ROBO1: variants seen among roughly 807,000 people sequenced by gnomAD.
ROBO1 encodes the protein roundabout guidance receptor 1.
Under a neutral mutation model 195.9 loss-of-function variants are expected in ROBO1, and 149 were observed. The observed-to-expected ratio is 0.76, with a 90% CI of 0.67 to 0.87. The LOEUF is 0.87. ROBO1 is among the 40% of genes least tolerant of loss of function. The pLI, the probability that ROBO1 is intolerant of heterozygous loss-of-function variation, is 0.00. For missense variants in ROBO1, 1,933 were observed against 2,068.3 expected (o/e 0.93, Z 1.27); for synonymous variants, 816 against 733.2 (o/e 1.11, Z -1.82).
chr3:78,602,923 A>C (rs1051721738), intron 29 of ROBO1, among the ~76,000 whole-genome samples: 8 of 152,148 alleles, frequency 5.3e-5, no homozygotes, highest in Non-Finnish European at 1.2e-4. Context: ...ATTATTATAG[A>C]TTCTTCCCTT....
chr3:79,693,141 C>T (rs1415374457), intron 1 of ROBO1, among the ~76,000 whole-genome samples: 1 of 151,072 alleles, frequency 6.6e-6, no homozygotes, highest in African/African-American at 2.4e-5. Context: ...TTTGAAAGGC[C>T]CTAACCAAAG....
At chr3:78,610,723 TA>T (rs1433108172) in intron 28 of ROBO1, among the ~76,000 whole-genome samples, 1 of 152,108 alleles carries the variant, frequency 6.6e-6, no homozygotes, top group Admixed American at 6.5e-5. Context: ...TAACACAAGT[TA>T]AAAAGAGAAG....
At chr3:78,807,240 A>T (rs1559876282) in intron 4 of ROBO1, among the ~76,000 whole-genome samples, 2 of 152,232 alleles carry the variant, frequency 1.3e-5, no homozygotes, top group African/African-American at 2.4e-5. Flanking sequence ...AGGAAATTGT[A>T]TTCATTCATT....
chr3:79,273,911 G>C (rs981763375), intron 2 of ROBO1, among the ~76,000 whole-genome samples: 3 of 151,866 alleles, frequency 2.0e-5, no homozygotes, highest in Non-Finnish European at 4.4e-5. Flanking sequence ...AACTGTAAGA[G>C]ACAAAGAAGA....
At chr3:79,340,195 C>T (rs1454930014) in intron 2 of ROBO1, among the ~76,000 whole-genome samples, 1 of 152,180 alleles carries the variant, frequency 6.6e-6, no homozygotes, top group Admixed American at 6.5e-5. Flanking sequence ...TCTCTTGAAC[C>T]TGGATGTACC....
At chr3:78,692,706 C>A (rs2107868581) in intron 8 of ROBO1, among the ~76,000 whole-genome samples, 1 of 152,196 alleles carries the variant, frequency 6.6e-6, no homozygotes, top group African/African-American at 2.4e-5. Context: ...ATGATTGGAC[C>A]TTCCTCCAAG....
At chr3:79,241,706 CAA>C (rs2082521651) in intron 2 of ROBO1, among the ~76,000 whole-genome samples, 1 of 149,262 alleles carries the variant, frequency 6.7e-6, no homozygotes, top group South Asian at 2.1e-4. Context: ...TATGTAATAA[CAA>C]TATTTATATA....
chr3:79,739,863 T>G (rs1703549119), intron 1 of ROBO1, among the ~76,000 whole-genome samples: 1 of 152,100 alleles, frequency 6.6e-6, no homozygotes, highest in African/African-American at 2.4e-5. Context: ...AGAAATATTA[T>G]CAGAGCAAAT....
intron 2 of ROBO1, among the ~76,000 whole-genome samples, chr3:79,434,656 G>T (rs1312233354): frequency 1.3e-5 from 2 of 152,098 alleles, no homozygotes; most frequent in South Asian, 4.1e-4. Context: ...ACAGTGTGGC[G>T]ATTCCTCAAG....
intron 2 of ROBO1, among the ~76,000 whole-genome samples, chr3:79,381,085 G>A (rs376593537): frequency 2.6e-5 from 4 of 152,216 alleles, no homozygotes. Context: ...GCGGCTGGGC[G>A]CGGTGGCTCA....
intron 2 of ROBO1, among the ~76,000 whole-genome samples, chr3:79,586,962 C>CA (rs1216116789): frequency 1.3e-5 from 2 of 151,744 alleles, no homozygotes; most frequent in African/African-American, 4.8e-5. Context: ...CAGTGGTTTT[C>CA]ATAAAAAAGA....
intron 3 of ROBO1, among the ~76,000 whole-genome samples, chr3:79,049,754 A>G (rs185118640): frequency 1.2e-4 from 19 of 152,296 alleles, no homozygotes; most frequent in Admixed American, 1.1e-3. Flanking sequence ...CAACATTCTT[A>G]AAGAAATGAA....
At chr3:79,671,127 A>G (rs1443885243) in intron 1 of ROBO1, among the ~76,000 whole-genome samples, 6 of 151,848 alleles carry the variant, frequency 4.0e-5, no homozygotes, top group African/African-American at 1.4e-4. Flanking sequence ...TTAGATACTG[A>G]TATACAATGT....
intron 2 of ROBO1, among the ~76,000 whole-genome samples, chr3:79,571,474 G>A (rs923369273): frequency 6.6e-6 from 1 of 151,960 alleles, no homozygotes; most frequent in African/African-American, 2.4e-5. Flanking sequence ...AAAAAGCCAA[G>A]AAAGACAAAG....
Position 78,714,421 on chromosome 3 carries a change from C to A in ROBO1, c.1021G>T (p.Ala341Ser), listed in dbSNP as rs1268051040. Residue 341 changes from alanine to serine, a missense_variant, in exon 8 of 31, where the codon GCA becomes TCA. Ala to Ser is a moderately conservative substitution (Grantham distance 99, BLOSUM62 1). Around this residue, in one of 3 missense-constraint regions of ROBO1, gnomAD observed 1,737 missense variants for 1,882.5 expected, o/e 0.92. Coordinates refer to ENST00000464233, the MANE Select transcript of ROBO1 (RefSeq NM_002941.4). ...CCTTGAACAGTCAGAGTAGCAGATG[C>A]TTCAGCTTTGCCCACCATATTTTCT... ...VAENMVGKAE[A>S]SATLTVQEPP... 1 of 1,613,276 alleles carries A rather than the reference C, an allele frequency of 6.2e-7. No individual in the cohort carries two copies. Among genetic ancestry groups the A allele is most frequent in the South Asian group, 1.1e-5 (1 of 90,916 alleles).
intron 5 of ROBO1, among the ~76,000 whole-genome samples, chr3:78,720,842 G>A (rs1178502951): frequency 1.3e-5 from 2 of 150,274 alleles, no homozygotes; most frequent in Admixed American, 1.3e-4. Context: ...AGTATCACAA[G>A]AACAAAAAAC....
At chr3:78,604,587 T>C (rs1468526286) in intron 29 of ROBO1, among the ~76,000 whole-genome samples, 2 of 152,196 alleles carry the variant, frequency 1.3e-5, no homozygotes, top group Non-Finnish European at 2.9e-5. Flanking sequence ...AAGGACATTG[T>C]GGTCACACAA....
At chr3:79,372,899 T>A (rs1233714530) in intron 2 of ROBO1, among the ~76,000 whole-genome samples, 3 of 151,768 alleles carry the variant, frequency 2.0e-5, no homozygotes, top group Non-Finnish European at 2.9e-5. Flanking sequence ...TTTTTTTTTT[T>A]ATCTTCTTTT....
chr3:78,806,457 A>G lies in ROBO1; in HGVS notation c.500-59557T>C, dbSNP rs150740985. Among the ~76,000 whole-genome samples the G allele has an allele frequency of 4.3e-3, 650 of 152,224 alleles. 8 individuals carry two copies. The highest frequency in any genetic ancestry group is 0.014 in the African/African-American group (597 of 41,512). On this transcript the variant is annotated intron_variant, in intron 4 of 30. Transcript: ENST00000464233. ...TGCTAAAAGTGTTTTGTGACGGGAA[A>G]GCAGCACTTGTGAAAAAGAAGACAG...
Sources: allele counts gnomAD v4.1 joint callset (sites outside exome capture counted in the v4.1 genomes callset), GRCh38; gene constraint gnomAD v4.1.1; regional missense constraint gnomAD v4.1.1; transcripts MANE v1.5; gene names NCBI Gene and HGNC (gene_info 2026-07-23, HGNC 2026-07-21).